SCUBE1: variants seen among roughly 807,000 people sequenced by gnomAD.
SCUBE1 encodes the protein signal peptide, CUB and EGF-like domain-containing protein 1.
In SCUBE1, 59 loss-of-function variants were observed where a neutral mutation model predicts 124.4. The observed-to-expected ratio is 0.47, with a 90% CI of 0.38 to 0.59. SCUBE1 has a LOEUF of 0.59. SCUBE1 is among the 20% of genes least tolerant of loss of function. The probability of loss-of-function intolerance (pLI) is 0.00; values close to 1 mark genes in which losing one functional copy is unlikely to be tolerated. For missense variants in SCUBE1, 1,150 were observed against 1,371.2 expected (o/e 0.84, Z 2.55); for synonymous variants, 545 against 550.9 (o/e 0.99, Z 0.15).
chr22:43,318,249 C>T (rs12628419), intron 3 of SCUBE1: 29,888 of 151,954 alleles, frequency 0.2, 3,144 homozygotes, highest in East Asian at 0.39. Flanking sequence ...GGTAAGGTGG[C>T]GGGTCAAGCC....
chr22:43,286,025 G>A (rs1293585630), intron 4 of SCUBE1, among the ~76,000 whole-genome samples: 4 of 152,134 alleles, frequency 2.6e-5, no homozygotes, highest in African/African-American at 9.7e-5. Context: ...CACCTGGCAC[G>A]TGTCAGCAGA....
intron 2 of SCUBE1, among the ~76,000 whole-genome samples, chr22:43,329,943 G>A (rs913674875): frequency 1.3e-5 from 2 of 152,140 alleles, no homozygotes; most frequent in African/African-American, 4.8e-5. Context: ...CGGCTAAGAG[G>A]AGGCGAGAGG....
intron 3 of SCUBE1, among the ~76,000 whole-genome samples, chr22:43,319,417 T>C (rs1207348396): frequency 6.6e-6 from 1 of 151,588 alleles, no homozygotes; most frequent in Non-Finnish European, 1.5e-5. Context: ...ATACAAAAAT[T>C]AGCCAGGTGT....
At chr22:43,325,384 G>A (rs780351995) in intron 2 of SCUBE1, among the ~76,000 whole-genome samples, 9 of 146,032 alleles carry the variant, frequency 6.2e-5, no homozygotes, top group East Asian at 4.0e-4. Context: ...CGGAGGTTGC[G>A]ATGAGCCGAG....
At chr22:43,335,744 G>C (rs1927042762) in intron 2 of SCUBE1, among the ~76,000 whole-genome samples, 1 of 151,756 alleles carries the variant, frequency 6.6e-6, no homozygotes, top group Admixed American at 6.6e-5. Flanking sequence ...AACAGGTGAT[G>C]ATGATGATGA....
intron 1 of SCUBE1, 37 bp downstream of exon 1, chr22:43,343,137 C>G: frequency 9.2e-7 from 1 of 1,089,572 alleles, no homozygotes; most frequent in Non-Finnish European, 1.1e-6. Context: ...CCCGAGCCCC[C>G]CGCGCCCGCC....
chr22:43,309,101 G>GC (rs1233145922), intron 3 of SCUBE1, among the ~76,000 whole-genome samples: 1 of 152,016 alleles, frequency 6.6e-6, no homozygotes, highest in Non-Finnish European at 1.5e-5. Context: ...TTCCCACACG[G>GC]CCCAGGCCCA....
intron 4 of SCUBE1, among the ~76,000 whole-genome samples, chr22:43,267,870 G>A (rs1223224202): frequency 6.6e-6 from 1 of 152,206 alleles, no homozygotes; most frequent in Non-Finnish European, 1.5e-5. Context: ...ATCTCTGGGT[G>A]GCAGCTGGGG....
rs778299765 is a variant in SCUBE1, at chr22:43,221,273, G to A, written c.1449C>T (p.Pro483=). Residue 483 remains proline (P), a synonymous_variant, in exon 13 of 22, where the codon CCC becomes CCT. Transcript: ENST00000360835. ...TCTTGAAGCGGGCCTTCTGTTTGAT[G>A]GGGGTGGTGGGGGCATCTGGGGAAA... ...GPSCSDAPTT[P]IKQKARFKIR... The A allele has an allele frequency of 2.7e-5, 43 of 1,609,752 alleles. No homozygotes were observed. The highest frequency in any genetic ancestry group is 6.6e-5 in the South Asian group (6 of 91,064).
chr22:43,220,283 C>T, intron 14 of SCUBE1, among the ~76,000 whole-genome samples, 167 bp downstream of exon 14: 1 of 152,208 alleles, frequency 6.6e-6, no homozygotes, highest in East Asian at 1.9e-4. Flanking sequence ...CTGCCAGCTC[C>T]CTTTGCTTGT....
At chr22:43,319,558 C>CAAAA (rs35230785) in intron 3 of SCUBE1, among the ~76,000 whole-genome samples, 2,103 of 54,738 alleles carry the variant, frequency 0.038, 178 homozygotes, top group Non-Finnish European at 0.044. Flanking sequence ...GACTCCATCT[C>CAAAA]AAAAAAAAAA....
intron 4 of SCUBE1, among the ~76,000 whole-genome samples, chr22:43,288,891 C>T (rs1175514011): frequency 6.6e-6 from 1 of 152,218 alleles, no homozygotes; most frequent in East Asian, 1.9e-4. Flanking sequence ...CCCCTGCTGT[C>T]GCTGCTCCCA....
chr22:43,221,029 T>C (rs1479099917), intron 13 of SCUBE1, 144 bp downstream of exon 13: 1 of 630,832 alleles, frequency 1.6e-6, no homozygotes, highest in Non-Finnish European at 2.7e-6. Context: ...CCTTGGAAAC[T>C]CTCATTCAAT....
intron 3 of SCUBE1, among the ~76,000 whole-genome samples, chr22:43,299,347 T>C (rs988736605): frequency 2.6e-5 from 4 of 152,134 alleles, no homozygotes; most frequent in African/African-American, 9.7e-5. Context: ...CCTTCCAAAA[T>C]GCAAAAGCAA....
chr22:43,285,980 C>G (rs529343964), intron 4 of SCUBE1, among the ~76,000 whole-genome samples: 5 of 152,326 alleles, frequency 3.3e-5, no homozygotes, highest in African/African-American at 1.2e-4. Flanking sequence ...TCTCCCTCCC[C>G]TCTCCCTCTG....
chr22:43,274,337 T>C (rs1048395918), intron 4 of SCUBE1, among the ~76,000 whole-genome samples: 7 of 152,302 alleles, frequency 4.6e-5, no homozygotes, highest in Admixed American at 6.5e-5. Context: ...GTCATACTTA[T>C]AATAAAAAAA....
chr22:43,336,648 C>G (rs1163744609), intron 2 of SCUBE1, among the ~76,000 whole-genome samples: 1 of 152,032 alleles, frequency 6.6e-6, no homozygotes, highest in Non-Finnish European at 1.5e-5. Flanking sequence ...TGTGGGGGAC[C>G]AAGACAAGTA....
chr22:43,240,366 G>A (rs1390808010), intron 6 of SCUBE1, among the ~76,000 whole-genome samples: 1 of 152,190 alleles, frequency 6.6e-6, no homozygotes, highest in African/African-American at 2.4e-5. Flanking sequence ...TGGTCCCAGG[G>A]CTTGGACGCC....
chr22:43,292,029 G>A (rs1019292886), intron 3 of SCUBE1, among the ~76,000 whole-genome samples: 1 of 152,108 alleles, frequency 6.6e-6, no homozygotes, highest in Non-Finnish European at 1.5e-5. Context: ...TGCAGCAGCT[G>A]TCCCCAACAC....
Sources: gnomAD v4.1 joint callset for allele counts (sites outside exome capture counted in the v4.1 genomes callset) on GRCh38, gnomAD v4.1.1 for gene constraint, MANE v1.5 for transcripts, NCBI Gene and HGNC (gene_info 2026-07-23, HGNC 2026-07-21) for gene names.